AGAP1: variants seen among roughly 807,000 people sequenced by gnomAD.
The protein encoded by AGAP1 is arf-GAP with GTPase, ANK repeat and PH domain-containing protein 1.
A neutral mutation model predicts 105.3 loss-of-function variants in AGAP1; 29 were observed. The ratio of observed to expected loss-of-function variants is 0.28; its 90% confidence interval spans 0.21 to 0.38. The LOEUF (loss-of-function observed/expected upper bound fraction) is 0.38, where lower values mean the gene tolerates loss of function less well. Ranked by LOEUF, AGAP1 falls within the 10% of genes least tolerant of loss-of-function variation. AGAP1 has a pLI of 1.00. For synonymous variants in AGAP1, 509 were observed against 485.9 expected (o/e 1.05, Z -0.63); for missense variants, 998 against 1,165.1 (o/e 0.86, Z 2.09).
In AGAP1 at chr2:236,040,818, A is replaced by T. The variant is rs761981589; in HGVS notation, c.1868A>T (p.His623Leu). The stretch of plus-strand genomic sequence containing the variant: ...ATCCGGAACATGCGCGGGAACTCCC[A>T]CTGTGTGGACTGCGAGACCCAGAGT... ...QSIRNMRGNSHCVDCETQNPN... is the reference protein window; with the variant it reads ...QSIRNMRGNSLCVDCETQNPN... The change falls in exon 15 of 18, where the codon CAC becomes CTC. Residue 623 changes from histidine (H) to leucine (L), a missense_variant. Physicochemically the swap from His to Leu is moderately conservative, Grantham distance 99. Around this residue, in one of 3 missense-constraint regions of AGAP1, gnomAD observed 735 missense variants for 833.4 expected, o/e 0.88. Coordinates refer to ENST00000304032, the MANE Select transcript of AGAP1 (RefSeq NM_001037131.3). The surrounding 1 kb of genome is among the most constrained non-coding windows in gnomAD (Gnocchi z 5.6). The T allele has an allele frequency of 7.4e-6, 12 of 1,613,786 alleles. No individual in the cohort carries two copies. In the East Asian group the frequency reaches 2.2e-4, roughly 30 times the overall value.
rs140246162 is a variant in AGAP1 at position 235,867,438 on chromosome 2, A to G, written c.1051-15907A>G. 1.2e-4 allele frequency among the ~76,000 whole-genome samples: 18 copies of G among 152,164 alleles called. No homozygotes were observed. The highest frequency in any genetic ancestry group is 4.3e-4 in the African/African-American group (18 of 41,514). On this transcript the variant is annotated intron_variant, in intron 9 of 17. Transcript: ENST00000304032. The surrounding 1 kb of genome is among the most constrained non-coding windows in gnomAD (Gnocchi z 5.4). ...CGGCCCCAGTCCCGTAGGATCCCCA[A>G]CGCTAATAGTCTGGATGAGGGTGCA...
intron 9 of AGAP1, among the ~76,000 whole-genome samples, chr2:235,869,239 C>T (rs12474196): frequency 0.26 from 39,828 of 151,468 alleles, 5,988 homozygotes; most frequent in Admixed American, 0.41. Context: ...CCCTTACTGC[C>T]GTTTGGGTTA....
intron 2 of AGAP1, among the ~76,000 whole-genome samples, chr2:235,709,517 G>C (rs887920819): frequency 8.2e-6 from 1 of 121,946 alleles, no homozygotes; most frequent in South Asian, 3.3e-4. Flanking sequence ...CTCACATCTC[G>C]TGGGTGTGTG....
chr2:235,767,416 G>A (rs889690814), intron 6 of AGAP1, among the ~76,000 whole-genome samples: 4 of 152,172 alleles, frequency 2.6e-5, no homozygotes, highest in East Asian at 1.9e-4. Context: ...GAGGCTCTGC[G>A]GGCTGGGGGT....
At chr2:236,004,039 C>T (rs2056230511) in intron 13 of AGAP1, among the ~76,000 whole-genome samples, 2 of 152,110 alleles carry the variant, frequency 1.3e-5, no homozygotes, top group African/African-American at 2.4e-5. Context: ...CCAATGGGCA[C>T]CTCGTATCTT....
At chr2:235,558,643 C>T (rs1315812089) in intron 1 of AGAP1, among the ~76,000 whole-genome samples, 1 of 152,218 alleles carries the variant, frequency 6.6e-6, no homozygotes, top group African/African-American at 2.4e-5. Flanking sequence ...GTCTGGTTTT[C>T]CCATAGGAAC....
intron 8 of AGAP1, among the ~76,000 whole-genome samples, chr2:235,806,086 G>A (rs1957821061): frequency 6.6e-6 from 1 of 152,124 alleles, no homozygotes; most frequent in African/African-American, 2.4e-5. Context: ...GCCCTTGTTT[G>A]TATTATGACC....
intron 1 of AGAP1, among the ~76,000 whole-genome samples, chr2:235,672,568 T>C (rs1948495007): frequency 6.6e-6 from 1 of 152,246 alleles, no homozygotes; most frequent in Non-Finnish European, 1.5e-5. Context: ...TGTTATTTTG[T>C]TAAAAGAATT....
intron 6 of AGAP1, among the ~76,000 whole-genome samples, chr2:235,780,149 A>G (rs186330975): frequency 6.6e-6 from 1 of 152,178 alleles, no homozygotes; most frequent in Non-Finnish European, 1.5e-5. Flanking sequence ...TGTTTTCACC[A>G]TTTCTTGATA....
rs1945667592 is a variant in AGAP1 at position 235,599,762 on chromosome 2, TC to T, written c.163+104917del. Among the ~76,000 whole-genome samples the T allele has an allele frequency of 6.6e-6, 1 of 152,022 alleles. No homozygotes were observed. The highest frequency in any genetic ancestry group is 6.5e-5 in the Admixed American group (1 of 15,268). On this transcript the variant is annotated intron_variant, in intron 1 of 17. Coordinates refer to ENST00000304032, the MANE Select transcript of AGAP1 (RefSeq NM_001037131.3). The surrounding 1 kb of genome is among the most constrained non-coding windows in gnomAD (Gnocchi z 5.3). ...CTGATCGCTGGCTCTCTAGGGCTTT[TC>T]CCCTCCAGGTTCAGAGAGAGCGCCT...
In AGAP1 at chr2:235,689,150, A is replaced by G. The variant is rs1049491437; in HGVS notation, c.164-20029A>G. ...GGCTATCCCATGAGTTAGGGGCTTC[A>G]GGGCTTCTGCGCTTTGCTGGCCCTT... On this transcript the variant is annotated intron_variant, in intron 1 of 17. Transcript: ENST00000304032. This position sits in a 1 kb window ranked among gnomAD's most constrained non-coding sequence, Gnocchi z 4.2. Among the ~76,000 whole-genome samples, 4 of 152,234 alleles carry G rather than the reference A, an allele frequency of 2.6e-5. No individual in the cohort carries two copies. Among genetic ancestry groups the G allele is most frequent in the Non-Finnish European group, 5.9e-5 (4 of 68,044 alleles).
intron 4 of AGAP1, among the ~76,000 whole-genome samples, chr2:235,743,480 C>T (rs1055441256): frequency 1.3e-5 from 2 of 152,066 alleles, no homozygotes; most frequent in African/African-American, 4.8e-5. Flanking sequence ...AGATGCCTTC[C>T]GTCAGCCTTG....
chr2:236,085,810 C>A (rs1165115818), intron 16 of AGAP1, among the ~76,000 whole-genome samples: 1 of 152,248 alleles, frequency 6.6e-6, no homozygotes, highest in Non-Finnish European at 1.5e-5. Flanking sequence ...CAGGATGTGG[C>A]CCAGCCGGCT....
chr2:235,851,141 C>T (rs1281227262), intron 9 of AGAP1, among the ~76,000 whole-genome samples: 1 of 152,256 alleles, frequency 6.6e-6, no homozygotes, highest in African/African-American at 2.4e-5. Flanking sequence ...TTGGACACAG[C>T]AGCCAGTGTT....
At chr2:235,543,994 G>A (rs1348864517) in intron 1 of AGAP1, among the ~76,000 whole-genome samples, 6 of 152,192 alleles carry the variant, frequency 3.9e-5, no homozygotes, top group Non-Finnish European at 5.9e-5. Context: ...GGCCTAGATC[G>A]GGTTGGCTCT....
intron 1 of AGAP1, chr2:235,670,192 C>G: frequency 1.7e-6 from 1 of 584,000 alleles, no homozygotes; most frequent in East Asian, 3.7e-5. Flanking sequence ...TCTACCGCAT[C>G]TCCGTGACCA....
chr2:235,627,411 G>C (rs750956737), intron 1 of AGAP1, among the ~76,000 whole-genome samples: 11 of 151,996 alleles, frequency 7.2e-5, no homozygotes, highest in Non-Finnish European at 1.2e-4. Context: ...TCTTAGTAGA[G>C]ACAGGATTTC....
chr2:236,008,369 C>T (rs930000174), intron 13 of AGAP1, among the ~76,000 whole-genome samples: 5 of 152,170 alleles, frequency 3.3e-5, no homozygotes, highest in African/African-American at 4.8e-5. Context: ...ACAGGTACTC[C>T]GTGAAAACAG....
intron 1 of AGAP1, among the ~76,000 whole-genome samples, chr2:235,595,789 G>A (rs1229671640): frequency 6.6e-6 from 1 of 152,204 alleles, no homozygotes; most frequent in African/African-American, 2.4e-5. Flanking sequence ...ATATGAGGTG[G>A]CAAAGGCTAT....
Sources: gnomAD v4.1 joint callset for allele counts (sites outside exome capture counted in the v4.1 genomes callset) on GRCh38, gnomAD v4.1.1 for gene constraint, gnomAD v4.1.1 regional missense constraint, Gnocchi (gnomAD v3.1) non-coding constraint, MANE v1.5 for transcripts, NCBI Gene and HGNC (gene_info 2026-07-23, HGNC 2026-07-21) for gene names.